NPTX2: variants seen among roughly 807,000 people sequenced by gnomAD.
NPTX2 encodes the protein neuronal pentraxin-2.
A neutral mutation model predicts 38.1 loss-of-function variants in NPTX2; 23 were observed. That is an observed-to-expected ratio of 0.60 (90% CI 0.43 to 0.85). The LOEUF (loss-of-function observed/expected upper bound fraction) is 0.85, where lower values mean the gene tolerates loss of function less well. NPTX2 is among the 40% of genes least tolerant of loss of function. The pLI is 0.00. For missense variants in NPTX2, 553 were observed against 615.3 expected (o/e 0.90, Z 1.07); for synonymous variants, 291 against 287.3 (o/e 1.01, Z -0.13).
At position 98,625,101 on chromosome 7, in the gene NPTX2, C is replaced by T; in HGVS notation, c.823C>T (p.Gln275Ter). ...GTPFSYAVPG[Q>*]ANEIVLIEWG... ...CCCCTTCTCCTATGCGGTGCCAGGGCAGGCCAACGAGATCGTGCTGATCGA... is the reference window on the plus strand; with the variant it reads ...CCCCTTCTCCTATGCGGTGCCAGGGTAGGCCAACGAGATCGTGCTGATCGA... Residue 275 changes from glutamine to a stop codon, truncating the protein, a stop_gained, in exon 3 of 5, where the codon CAG becomes TAG. Transcript: ENST00000265634. LOFTEE classifies it high-confidence loss of function. 1 of 1,612,156 alleles carries T rather than the reference C, an allele frequency of 6.2e-7. No individual in the cohort carries two copies. Among genetic ancestry groups the T allele is most frequent in the African/African-American group, 1.3e-5 (1 of 75,032 alleles).
In NPTX2 at chr7:98,628,436, C is replaced by A; in HGVS notation, c.1103C>A (p.Ala368Glu). The stretch of plus-strand genomic sequence containing the variant: ...GGGGGTAGGTTTGATGCCACTCAGG[C>A]ATTTGTCGGGGAGCTCAGCCAGTTC... ...TVGGRFDATQ[A>E]FVGELSQFNI... is the part of the protein sequence containing the mutation. Residue 368 changes from alanine (A) to glutamate (E), a missense_variant, in exon 5 of 5, where the codon GCA becomes GAA. By Grantham distance (107) the Ala-to-Glu change is moderately radical (BLOSUM62 -1). Coordinates refer to ENST00000265634, the MANE Select transcript of NPTX2 (RefSeq NM_002523.3). 1 of 1,609,116 alleles carries A rather than the reference C, an allele frequency of 6.2e-7. No homozygotes were observed. The highest frequency in any genetic ancestry group is 8.5e-7 in the Non-Finnish European group (1 of 1,176,442).
At position 98,625,131 on chromosome 7, in the gene NPTX2, G is replaced by A. The variant is rs1228247683; in HGVS notation, c.853G>A (p.Gly285Ser). Residue 285 changes from glycine (G) to serine (S), a missense_variant, in exon 3 of 5, where the codon GGC becomes AGC. Gly to Ser is a moderately conservative substitution (Grantham distance 56). Transcript: ENST00000265634. Reference sequence around the variant, plus strand: ...CAACGAGATCGTGCTGATCGAGTGGGGCAACAACCCCATCGAGCTGCTCAT... The same window carrying A: ...CAACGAGATCGTGCTGATCGAGTGGAGCAACAACCCCATCGAGCTGCTCAT... ...QANEIVLIEWGNNPIELLIND... is the reference protein window; with the variant it reads ...QANEIVLIEWSNNPIELLIND... 1.2e-6 allele frequency: 2 copies of A among 1,605,932 alleles called. No homozygotes were observed. The highest frequency in any genetic ancestry group is 1.7e-5 in the Admixed American group (1 of 59,918).
intron 2 of NPTX2, chr7:98,620,087 G>C: frequency 1.7e-6 from 1 of 576,878 alleles, no homozygotes; most frequent in South Asian, 2.0e-5. Flanking sequence ...GACCAGCTTC[G>C]ATAAGCAACC....
intron 2 of NPTX2, chr7:98,620,167 C>T: frequency 7.4e-6 from 3 of 402,926 alleles, no homozygotes; most frequent in South Asian, 7.3e-5. Context: ...CTTCTCTGCT[C>T]ACACTGTGGT....
In NPTX2 at chr7:98,628,973, G is replaced by A. The variant is rs982338259; in HGVS notation, c.*344G>A. The A allele has an allele frequency of 5.5e-5, 12 of 216,386 alleles. No individual in the cohort carries two copies. Among genetic ancestry groups the A allele is most frequent in the Admixed American group, 4.4e-4 (8 of 18,390 alleles). 13.4% of individuals were successfully genotyped at this position (216,386 alleles called of 1,614,324 possible). A position where few individuals can be genotyped will look rare whatever the true frequency, so the allele number is the denominator to read the frequency against. ...ATGCTATCGCAGCCTGAGTCCTGCC[G>A]CCTTCCAGTTCCTTGGTGTCCCGTG... On this transcript the variant is annotated 3_prime_UTR_variant, in exon 5 of 5. Coordinates refer to ENST00000265634, the MANE Select transcript of NPTX2 (RefSeq NM_002523.3).
chr7:98,617,557 G>A lies in NPTX2; in HGVS notation c.96G>A (p.Leu32=), dbSNP rs1562848539. The change falls in exon 1 of 5, where the codon CTG becomes CTA. Residue 32 remains leucine, a synonymous_variant. Transcript: ENST00000265634. ...GTAGCCGCTTCGTGTGCACGGCACT[G>A]CCCCCAGAGGCGGTGCACGCCGGCT... ...APGSRFVCTA[L]PPEAVHAGCP... The A allele has an allele frequency of 3.4e-6, 5 of 1,472,472 alleles. No homozygotes were observed. In the South Asian group the frequency reaches 5.1e-5, roughly 15 times the overall value. The allele number at this position is 1,472,472 out of a possible 1,614,324, so 91.2% of individuals were successfully genotyped here.
chr7:98,628,035 T>A (rs558834980), intron 4 of NPTX2, among the ~76,000 whole-genome samples: 1 of 152,176 alleles, frequency 6.6e-6, no homozygotes, highest in African/African-American at 2.4e-5. Context: ...CAGTGGGGCG[T>A]AGACTCCAGG....
intron 2 of NPTX2, among the ~76,000 whole-genome samples, chr7:98,623,175 C>T (rs144097359): frequency 2.0e-5 from 3 of 152,292 alleles, no homozygotes; most frequent in East Asian, 3.9e-4. Context: ...CTTGTGGATG[C>T]TTAACCGACA....
chr7:98,619,484 C>A (rs1173728202), intron 1 of NPTX2, among the ~76,000 whole-genome samples, 159 bp from the exon 2 acceptor site: 1 of 152,138 alleles, frequency 6.6e-6, no homozygotes, highest in Non-Finnish European at 1.5e-5. Context: ...TTTTCCATAC[C>A]AAAAAAGCAT....
Position 98,628,391 on chromosome 7 carries a change from C to G in NPTX2, c.1069-11C>G. 6.8e-7 allele frequency: 1 copy of G among 1,467,018 alleles called. No individual in the cohort carries two copies. Among genetic ancestry groups the G allele is most frequent in the South Asian group, 1.2e-5 (1 of 84,810 alleles). The allele number at this position is 1,467,018 out of a possible 1,614,324, so 90.9% of individuals were successfully genotyped here. ...CAGCCCTGACGCAGCTCTCTTGTTC[C>G]CATTCCCCAGGACACCGTGGGGGGT... On this transcript the variant is annotated splice_polypyrimidine_tract_variant and intron_variant, in intron 4 of 4. Transcript: ENST00000265634.
In NPTX2 at chr7:98,617,610, G is replaced by A. The variant is rs1201028338; in HGVS notation, c.149G>A (p.Gly50Asp). The A allele has an allele frequency of 1.3e-6, 2 of 1,490,806 alleles. No homozygotes were observed. The highest frequency in any genetic ancestry group is 1.5e-5 in the African/African-American group (1 of 68,530). The allele number at this position is 1,490,806 out of a possible 1,614,324, so 92.3% of individuals were successfully genotyped here. The change falls in exon 1 of 5, where the codon GGC (glycine) becomes GAC (aspartate). Residue 50 changes from glycine to aspartate, a missense_variant. Physicochemically the swap from Gly to Asp is moderately conservative, Grantham distance 94 (BLOSUM62 -1). Coordinates refer to ENST00000265634, the MANE Select transcript of NPTX2 (RefSeq NM_002523.3). ...GCPLPAMPMQ[G>D]GAQSPEEELR... ...CCGCTGCCCGCGATGCCCATGCAGGGCGGCGCGCAGAGTCCCGAGGAGGAG... is the reference window on the plus strand; with the variant it reads ...CCGCTGCCCGCGATGCCCATGCAGGACGGCGCGCAGAGTCCCGAGGAGGAG...
intron 2 of NPTX2, among the ~76,000 whole-genome samples, chr7:98,624,174 C>A (rs944809272): frequency 2.8e-4 from 43 of 152,284 alleles, no homozygotes; most frequent in African/African-American, 1.0e-3. Flanking sequence ...CCAGGCTGTT[C>A]TTGAACTCCT....
At chr7:98,619,101 T>C (rs539344646) in intron 1 of NPTX2, among the ~76,000 whole-genome samples, 114 of 152,110 alleles carry the variant, frequency 7.5e-4, no homozygotes, top group African/African-American at 2.7e-3. Flanking sequence ...GAAAGAGAAA[T>C]AGGAAGTGAG....
intron 3 of NPTX2, among the ~76,000 whole-genome samples, chr7:98,626,604 C>T (rs1434315551): frequency 6.6e-6 from 1 of 152,184 alleles, no homozygotes; most frequent in Non-Finnish European, 1.5e-5. Context: ...AGCAACAACG[C>T]GGTGGTTCAT....
At position 98,624,923 on chromosome 7, in the gene NPTX2, C is replaced by A. The variant is rs61744552; in HGVS notation, c.645C>A (p.Gly215=). Residue 215 remains glycine, a splice_region_variant and synonymous_variant, in exon 3 of 5, where the codon GGC becomes GGA. Transcript: ENST00000265634. ...LLQRVTELER[G]NSAFKSPDAF... ...GCCTCTCTTCCTCCCAACCCCCAGG[C>A]AATAGCGCCTTTAAGTCACCAGATG... 2 of 1,609,190 alleles carry A rather than the reference C, an allele frequency of 1.2e-6. No individual in the cohort carries two copies. The highest frequency in any genetic ancestry group is 1.7e-4 in the Middle Eastern group (1 of 6,054).
At chr7:98,618,126 C>T (rs1255553007) in intron 1 of NPTX2, among the ~76,000 whole-genome samples, 3 of 152,316 alleles carry the variant, frequency 2.0e-5, no homozygotes, top group Admixed American at 6.5e-5. Context: ...ATTCCACCCC[C>T]GCGCGTCGGG....
In NPTX2 at chr7:98,627,320, C is replaced by T. The variant is rs756266964; in HGVS notation, c.1044C>T (p.Gly348=). 18 of 1,613,554 alleles carry T rather than the reference C, an allele frequency of 1.1e-5. No individual in the cohort carries two copies. Among genetic ancestry groups the T allele is most frequent in the East Asian group, 8.9e-5 (4 of 44,876 alleles). The change falls in exon 4 of 5, where the codon GGC becomes GGT. Residue 348 remains glycine, a synonymous_variant. Transcript: ENST00000265634. ...LAPWHPIKPG[G]VLILGQEQDT... is the part of the protein sequence containing the mutation. ...CCTGGCACCCCATCAAGCCCGGGGG[C>T]GTGCTGATCCTTGGACAAGAGCAGG...
rs1367047704 is a variant in NPTX2, at chr7:98,629,264, GGGGCTCAGAAAGGAGAA to G, written c.*641_*657del. 2.0e-5 allele frequency: 3 copies of G among 152,650 alleles called. No homozygotes were observed. Among genetic ancestry groups the G allele is most frequent in the East Asian group, 3.8e-4 (2 of 5,200 alleles). The allele number at this position is 152,650 out of a possible 1,614,324, so 9.5% of individuals were successfully genotyped here. A position where few individuals can be genotyped will look rare whatever the true frequency, so the allele number is the denominator to read the frequency against. On this transcript the variant is annotated 3_prime_UTR_variant, in exon 5 of 5. Coordinates refer to ENST00000265634, the MANE Select transcript of NPTX2 (RefSeq NM_002523.3). ...CAGAAAGGGGACATCGGGGGGGAGG[GGGGCTCAGAAAGGAGAA>G]GGGCTGTGATCTCCGGTCCCTTCCC...
In NPTX2 at chr7:98,627,232, G is replaced by A. The variant is rs370691047; in HGVS notation, c.956G>A (p.Arg319Gln). ...WHHICVTWTT[R>Q]DGMWEAFQDG... ...CACATCTGTGTCACCTGGACGACAC[G>A]GGATGGCATGTGGGAGGCATTCCAG... The change falls in exon 4 of 5, where the codon CGG becomes CAG. Residue 319 changes from arginine to glutamine, a missense_variant. Coordinates refer to ENST00000265634, the MANE Select transcript of NPTX2 (RefSeq NM_002523.3). 5.6e-6 allele frequency: 9 copies of A among 1,613,158 alleles called. No individual in the cohort carries two copies. In the African/African-American group the frequency reaches 8.0e-5, roughly 14 times the overall value.
Sources: allele counts gnomAD v4.1 joint callset (sites outside exome capture counted in the v4.1 genomes callset), GRCh38; gene constraint gnomAD v4.1.1; transcripts MANE v1.5; gene names NCBI Gene and HGNC (gene_info 2026-07-23, HGNC 2026-07-21).